GRM7: variants seen among roughly 807,000 people sequenced by gnomAD.
GRM7 encodes the protein glutamate metabotropic receptor 7.
GRM7 carries 35 observed loss-of-function variants against 84.5 expected under a neutral mutation model. The observed-to-expected ratio is 0.41, with a 90% CI of 0.32 to 0.55. The LOEUF (loss-of-function observed/expected upper bound fraction) is 0.55. Among genes scored for constraint, GRM7 ranks in the 20% least tolerant of loss-of-function variants. The probability of loss-of-function intolerance (pLI) is 0.19; values close to 1 mark genes in which losing one functional copy is unlikely to be tolerated. For missense variants in GRM7, 1,003 were observed against 1,194.6 expected, an observed-to-expected ratio of 0.84 and a Z score of 2.36; for synonymous variants, 487 against 455.1, an observed-to-expected ratio of 1.07 and a Z score of -0.89.
At chr3:7,088,850 A>C (rs906728450) in intron 1 of GRM7, among the ~76,000 whole-genome samples, 1 of 151,528 alleles carries the variant, frequency 6.6e-6, no homozygotes, top group African/African-American at 2.4e-5. Context: ...AGAAGAATTT[A>C]GTTAGAACTT....
chr3:6,980,363 A>C (rs1694155264), intron 1 of GRM7, among the ~76,000 whole-genome samples: 1 of 152,132 alleles, frequency 6.6e-6, no homozygotes, highest in Non-Finnish European at 1.5e-5. Flanking sequence ...TTCATATATA[A>C]TTTTTGGGAG....
At chr3:7,374,572 G>A (rs868206370) in intron 4 of GRM7, among the ~76,000 whole-genome samples, 1 of 151,798 alleles carries the variant, frequency 6.6e-6, no homozygotes. Flanking sequence ...TCTGCCTCCA[G>A]GGTTCAAGCG....
chr3:6,988,675 T>A (rs1249170078), intron 1 of GRM7, among the ~76,000 whole-genome samples: 1 of 152,182 alleles, frequency 6.6e-6, no homozygotes, highest in African/African-American at 2.4e-5. Flanking sequence ...ACCACAGCAA[T>A]AGAAATTGAA....
chr3:7,500,055 T>C (rs975423576), intron 7 of GRM7, among the ~76,000 whole-genome samples: 8 of 152,212 alleles, frequency 5.3e-5, no homozygotes, highest in African/African-American at 1.9e-4. Flanking sequence ...ATTACAGGCA[T>C]GGACACCATT....
intron 2 of GRM7, among the ~76,000 whole-genome samples, chr3:7,298,385 A>G (rs1699884340): frequency 6.6e-6 from 1 of 152,180 alleles, no homozygotes; most frequent in African/African-American, 2.4e-5. Context: ...CAACCCAGCC[A>G]CTTTTTCTTC....
At chr3:6,966,224 ATCT>A (rs1693512640) in intron 1 of GRM7, among the ~76,000 whole-genome samples, 1 of 152,108 alleles carries the variant, frequency 6.6e-6, no homozygotes, top group Non-Finnish European at 1.5e-5. Flanking sequence ...CATCGTTTTA[ATCT>A]TCTTCCTTAT....
intron 4 of GRM7, among the ~76,000 whole-genome samples, chr3:7,413,854 A>T (rs1466584090): frequency 6.6e-6 from 1 of 152,148 alleles, no homozygotes; most frequent in Admixed American, 6.5e-5. Flanking sequence ...AATAATAATA[A>T]GACTCAGATA....
intron 7 of GRM7, among the ~76,000 whole-genome samples, chr3:7,566,113 T>G (rs1217898179): frequency 3.5e-5 from 1 of 28,320 alleles, no homozygotes. Flanking sequence ...GTTTTTTTTT[T>G]TTTTTTTTTT....
chr3:7,186,599 T>C (rs1695523682), intron 2 of GRM7, among the ~76,000 whole-genome samples: 1 of 152,172 alleles, frequency 6.6e-6, no homozygotes, highest in Non-Finnish European at 1.5e-5. Context: ...TGATTCCCTG[T>C]TTTTATCAGA....
intron 1 of GRM7, among the ~76,000 whole-genome samples, chr3:7,013,604 A>T (rs557599765): frequency 7.8e-4 from 119 of 152,214 alleles, no homozygotes; most frequent in African/African-American, 2.3e-3. Context: ...CCTCTCTCTT[A>T]TATGAGTTCG....
chr3:7,633,265 C>T (rs1697935656), intron 8 of GRM7, among the ~76,000 whole-genome samples: 1 of 152,320 alleles, frequency 6.6e-6, no homozygotes, highest in East Asian at 1.9e-4. Context: ...AGGAACTAGT[C>T]ATGATACTAA....
At chr3:7,352,524 A>T (rs1340920844) in intron 4 of GRM7, among the ~76,000 whole-genome samples, 1 of 152,090 alleles carries the variant, frequency 6.6e-6, no homozygotes, top group Non-Finnish European at 1.5e-5. Context: ...ATATGTTGAA[A>T]TTACTGAAAA....
intron 8 of GRM7, chr3:7,607,347 A>G (rs758679467): frequency 6.6e-6 from 1 of 152,198 alleles, no homozygotes; most frequent in East Asian, 1.9e-4. Flanking sequence ...GACATTTACA[A>G]CCTAGAAGTA....
At chr3:6,936,073 A>G (rs1697682033) in intron 1 of GRM7, among the ~76,000 whole-genome samples, 1 of 152,136 alleles carries the variant, frequency 6.6e-6, no homozygotes, top group Non-Finnish European at 1.5e-5. Context: ...TGTCCAGCTC[A>G]CAAAGCTCGG....
intron 5 of GRM7, among the ~76,000 whole-genome samples, chr3:7,429,464 G>A (rs948844619): frequency 1.2e-4 from 19 of 152,014 alleles, no homozygotes; most frequent in African/African-American, 4.3e-4. Flanking sequence ...TGTATTTCTT[G>A]GAAAACTTGC....
chr3:7,083,322 G>A (rs1164782686), intron 1 of GRM7, among the ~76,000 whole-genome samples: 2 of 152,042 alleles, frequency 1.3e-5, no homozygotes, highest in African/African-American at 4.8e-5. Flanking sequence ...GCATTATTTA[G>A]CAATAAAGTA....
chr3:7,492,410 ACTTAAT>A (rs766042920), intron 7 of GRM7, among the ~76,000 whole-genome samples: 2 of 152,166 alleles, frequency 1.3e-5, no homozygotes, highest in African/African-American at 2.4e-5. Context: ...CAGTTTGTCT[ACTTAAT>A]CTTGATTGAG....
intron 1 of GRM7, among the ~76,000 whole-genome samples, chr3:7,144,675 A>G (rs1694053010): frequency 6.6e-6 from 1 of 152,212 alleles, no homozygotes; most frequent in Non-Finnish European, 1.5e-5. Flanking sequence ...TCAGAACTTG[A>G]TCTTAGTGAT....
At chr3:7,557,114 G>A (rs530453127) in intron 7 of GRM7, among the ~76,000 whole-genome samples, 3 of 152,262 alleles carry the variant, frequency 2.0e-5, no homozygotes, top group African/African-American at 4.8e-5. Flanking sequence ...TGTGTCTGGA[G>A]GATGAAATCT....
Sources: allele counts gnomAD v4.1 joint callset (sites outside exome capture counted in the v4.1 genomes callset), GRCh38; gene constraint gnomAD v4.1.1; transcripts MANE v1.5; gene names NCBI Gene and HGNC (gene_info 2026-07-23, HGNC 2026-07-21).